TRPM3: variants seen among roughly 807,000 people sequenced by gnomAD.
TRPM3 encodes transient receptor potential cation channel subfamily M member 3.
A neutral mutation model predicts 181.2 loss-of-function variants in TRPM3; 77 were observed. That is an observed-to-expected ratio of 0.42 (90% CI 0.35 to 0.51). The LOEUF (loss-of-function observed/expected upper bound fraction) is 0.51, where lower values mean the gene tolerates loss of function less well. Ranked by LOEUF, TRPM3 falls within the 20% of genes least tolerant of loss-of-function variation. TRPM3 has a pLI of 0.01. For synonymous variants in TRPM3, 745 were observed against 796.4 expected (o/e 0.94, Z 1.09); for missense variants, 1,759 against 2,196.7 (o/e 0.80, Z 3.98).
chr9:71,035,317 C>T (rs1478823018), intron 1 of TRPM3, among the ~76,000 whole-genome samples: 3 of 152,214 alleles, frequency 2.0e-5, no homozygotes, highest in Non-Finnish European at 2.9e-5. Flanking sequence ...CTAATAACAA[C>T]AACTCCCACA....
intron 1 of TRPM3, among the ~76,000 whole-genome samples, chr9:71,050,663 A>G (rs930592794): frequency 6.6e-6 from 1 of 152,214 alleles, no homozygotes; most frequent in African/African-American, 2.4e-5. Context: ...ACTTCTGTTT[A>G]TATATCAATA....
At chr9:70,758,798 A>G (rs2077544893) in intron 8 of TRPM3, among the ~76,000 whole-genome samples, 1 of 152,072 alleles carries the variant, frequency 6.6e-6, no homozygotes, top group Admixed American at 6.6e-5. Context: ...CTGAAACTGA[A>G]CCCCTTCCTT....
intron 1 of TRPM3, among the ~76,000 whole-genome samples, chr9:71,085,660 C>A (rs915708784): frequency 6.6e-6 from 1 of 152,042 alleles, no homozygotes; most frequent in Non-Finnish European, 1.5e-5. Flanking sequence ...CATCTCACAC[C>A]CGTCAGAATG....
At chr9:71,245,255 A>C (rs1007734388) in intron 1 of TRPM3, among the ~76,000 whole-genome samples, 2 of 151,948 alleles carry the variant, frequency 1.3e-5, no homozygotes, top group Admixed American at 1.3e-4. Context: ...TTGAGACCCC[A>C]AACATGGCGA....
intron 1 of TRPM3, among the ~76,000 whole-genome samples, chr9:71,331,129 A>G (rs941026122): frequency 6.6e-5 from 10 of 151,942 alleles, no homozygotes; most frequent in Non-Finnish European, 1.5e-4. Context: ...ATTATTGATT[A>G]CTTAGAAAAT....
intron 1 of TRPM3, among the ~76,000 whole-genome samples, chr9:71,303,956 T>C (rs572234859): frequency 6.6e-6 from 1 of 152,282 alleles, no homozygotes; most frequent in Admixed American, 6.5e-5. Context: ...CACTTGAGGC[T>C]AGCCATTCTA....
At chr9:71,230,645 C>T (rs2131901076) in intron 1 of TRPM3, among the ~76,000 whole-genome samples, 1 of 152,276 alleles carries the variant, frequency 6.6e-6, no homozygotes, top group South Asian at 2.1e-4. Context: ...TGTAGGCCAA[C>T]TCTGCAGCAG....
intron 1 of TRPM3, among the ~76,000 whole-genome samples, chr9:70,971,921 T>C (rs537457425): frequency 1.8e-4 from 27 of 152,200 alleles, no homozygotes; most frequent in African/African-American, 6.5e-4. Flanking sequence ...ATGACTGTAA[T>C]GAAAAAGATA....
At chr9:71,040,812 G>A (rs369571786) in intron 1 of TRPM3, among the ~76,000 whole-genome samples, 1 of 152,090 alleles carries the variant, frequency 6.6e-6, no homozygotes, top group African/African-American at 2.4e-5. Flanking sequence ...GGGCAAAAAT[G>A]CATCACCTGA....
At position 71,438,410 on chromosome 9, in the gene TRPM3, C is replaced by T. The variant is rs369378309; in HGVS notation, c.183+8243G>A. Among the ~76,000 whole-genome samples the T allele has an allele frequency of 8.5e-5, 13 of 152,190 alleles. No homozygotes were observed. The South Asian group carries it at 2.7e-3, about 32-fold the overall frequency. ...CCTGGGTGGTTGCAGTGGCTCATGCCTGTAATCCCAGCACTTTGAAAGGCT... is the reference window on the plus strand; with the variant it reads ...CCTGGGTGGTTGCAGTGGCTCATGCTTGTAATCCCAGCACTTTGAAAGGCT... On this transcript the variant is annotated intron_variant, in intron 1 of 24. Coordinates refer to the TRPM3 transcript ENST00000357533.
intron 1 of TRPM3, among the ~76,000 whole-genome samples, chr9:70,916,432 AC>A (rs1299316136): frequency 6.6e-6 from 1 of 152,188 alleles, no homozygotes; most frequent in African/African-American, 2.4e-5. Flanking sequence ...AACTACAACA[AC>A]TTTTCAAGAC....
intron 1 of TRPM3, among the ~76,000 whole-genome samples, chr9:71,120,775 G>A (rs905000781): frequency 2.6e-5 from 4 of 152,108 alleles, no homozygotes; most frequent in African/African-American, 9.7e-5. Flanking sequence ...TGGGTCGAAG[G>A]GCTTCCCCAG....
chr9:71,146,547 A>T (rs770869848), intron 1 of TRPM3, among the ~76,000 whole-genome samples: 3 of 152,148 alleles, frequency 2.0e-5, no homozygotes, highest in Non-Finnish European at 4.4e-5. Flanking sequence ...CTTAGAGCTC[A>T]ATTATGCCCC....
At chr9:70,690,070 G>A (rs1374002869) in intron 8 of TRPM3, among the ~76,000 whole-genome samples, 1 of 152,116 alleles carries the variant, frequency 6.6e-6, no homozygotes, top group African/African-American at 2.4e-5. Flanking sequence ...AGATGAAGAT[G>A]TAGTAGAGCT....
At chr9:70,746,725 G>A (rs2075227090) in intron 8 of TRPM3, among the ~76,000 whole-genome samples, 1 of 152,130 alleles carries the variant, frequency 6.6e-6, no homozygotes, top group East Asian at 1.9e-4. Context: ...CAACCAAAAG[G>A]AGGAAGCCCC....
chr9:71,391,586 T>C (rs543080345), intron 1 of TRPM3, among the ~76,000 whole-genome samples: 1 of 152,098 alleles, frequency 6.6e-6, no homozygotes, highest in African/African-American at 2.4e-5. Flanking sequence ...TGTTTCCATA[T>C]GAAAGATGCT....
intron 1 of TRPM3, among the ~76,000 whole-genome samples, chr9:71,432,720 T>A (rs2093976889): frequency 6.6e-6 from 1 of 152,184 alleles, no homozygotes; most frequent in Non-Finnish European, 1.5e-5. Context: ...GTTCAAAATG[T>A]GTGTTTAGAG....
chr9:70,554,540 G>A (rs2047200268), intron 22 of TRPM3, among the ~76,000 whole-genome samples: 1 of 152,122 alleles, frequency 6.6e-6, no homozygotes, highest in South Asian at 2.1e-4. Context: ...GCTGCCCTGG[G>A]GATCACCTGG....
intron 1 of TRPM3, among the ~76,000 whole-genome samples, chr9:70,962,521 A>G (rs537635734): frequency 1.3e-5 from 2 of 152,246 alleles, no homozygotes; most frequent in South Asian, 4.1e-4. Context: ...TCACTCACCT[A>G]TGGTAAGGAC....
Sources: allele counts gnomAD v4.1 joint callset (sites outside exome capture counted in the v4.1 genomes callset), GRCh38; gene constraint gnomAD v4.1.1; transcripts MANE v1.5; gene names NCBI Gene and HGNC (gene_info 2026-07-23, HGNC 2026-07-21).